Variants in DCDC2 observed in about 807,000 individuals in gnomAD.
DCDC2 encodes the protein doublecortin domain-containing protein 2.
In DCDC2, 40 loss-of-function variants were observed where a neutral mutation model predicts 50.2. The observed-to-expected ratio is 0.80, with a 90% CI of 0.62 to 1.04. The LOEUF is 1.04. Ranked by LOEUF, DCDC2 falls within the 50% of genes least tolerant of loss-of-function variation. The pLI is 0.00. For synonymous variants in DCDC2, 234 were observed against 210.6 expected (o/e 1.11, Z -0.96); for missense variants, 570 against 581.9 (o/e 0.98, Z 0.21).
chr6:24,177,288 G>T (rs1433912335), intron 9 of DCDC2, among the ~76,000 whole-genome samples: 1 of 152,174 alleles, frequency 6.6e-6, no homozygotes, highest in African/African-American at 2.4e-5. Context: ...TAGATGTTAA[G>T]AACATTTTGA....
upstream of DCDC2, among the ~76,000 whole-genome samples, chr6:24,361,605 G>C (rs915826947): frequency 6.6e-6 from 1 of 152,146 alleles, no homozygotes; most frequent in African/African-American, 2.4e-5. Flanking sequence ...CAGAATACTT[G>C]TTATGTGGAA....
At chr6:24,349,774 T>C (rs75359737) in intron 2 of DCDC2, among the ~76,000 whole-genome samples, 4,392 of 152,184 alleles carry the variant, frequency 0.029, 80 homozygotes, top group African/African-American at 0.052. Context: ...AATGAAAATA[T>C]AGCTATGCAA....
chr6:24,354,089 ACACT>A (rs1760423507), intron 1 of DCDC2, among the ~76,000 whole-genome samples: 1 of 152,266 alleles, frequency 6.6e-6, no homozygotes, highest in East Asian at 1.9e-4. Flanking sequence ...TGATACAAAA[ACACT>A]CACTCATGTG....
intron 2 of DCDC2, among the ~76,000 whole-genome samples, chr6:24,311,680 G>A (rs1705537867): frequency 6.6e-6 from 1 of 152,110 alleles, no homozygotes. Context: ...GTATAGATGG[G>A]AAAAGATGAG....
At chr6:24,323,113 G>A (rs1759800882) in intron 2 of DCDC2, among the ~76,000 whole-genome samples, 1 of 152,256 alleles carries the variant, frequency 6.6e-6, no homozygotes, top group African/African-American at 2.4e-5. Context: ...GGGAGGCCGA[G>A]GCAGGAGGAT....
At chr6:24,188,470 TG>T (rs1761249182) in intron 8 of DCDC2, among the ~76,000 whole-genome samples, 1 of 152,210 alleles carries the variant, frequency 6.6e-6, no homozygotes, top group Admixed American at 6.5e-5. Context: ...TACATCACCA[TG>T]CCACTGTTTA....
At position 24,357,950 on chromosome 6, in the gene DCDC2, G is replaced by C; in HGVS notation, c.-200C>G. The C allele has an allele frequency of 6.7e-7, 1 of 1,501,052 alleles. No individual in the cohort carries two copies. Among genetic ancestry groups the C allele is most frequent in the Admixed American group, 2.4e-5 (1 of 41,936 alleles). The allele number at this position is 1,501,052 out of a possible 1,614,324, so 93.0% of individuals were successfully genotyped here. On this transcript the variant is annotated 5_prime_UTR_variant, in exon 1 of 10. Transcript: ENST00000378454. ...AGACACTAGGAGCTTGCAGGACTCG[G>C]AGTAGACGCTCAAGTTTTTCACCGT...
chr6:24,369,002 C>T, the DCDC2 span, among the ~76,000 whole-genome samples: 433 of 151,936 alleles, frequency 2.8e-3, 1 homozygote, highest in African/African-American at 9.6e-3. Flanking sequence ...GGTGCAGTGG[C>T]GCGTGCCTGT....
intron 2 of DCDC2, among the ~76,000 whole-genome samples, chr6:24,349,855 C>A (rs1474978865): frequency 6.6e-6 from 1 of 152,146 alleles, no homozygotes; most frequent in East Asian, 1.9e-4. Flanking sequence ...TTAGTAAAAG[C>A]AGGACCTGGG....
chr6:24,275,813 T>C (rs1046007950), intron 7 of DCDC2, among the ~76,000 whole-genome samples: 1 of 151,834 alleles, frequency 6.6e-6, no homozygotes, highest in Non-Finnish European at 1.5e-5. Flanking sequence ...CCAACACAAA[T>C]GTTGTTAAAA....
intron 7 of DCDC2, among the ~76,000 whole-genome samples, chr6:24,242,624 G>T (rs1329371791): frequency 1.3e-5 from 2 of 152,184 alleles, no homozygotes; most frequent in Non-Finnish European, 2.9e-5. Context: ...GACTGTCACA[G>T]AGCACAGGTA....
intron 7 of DCDC2, among the ~76,000 whole-genome samples, chr6:24,219,148 A>T (rs1351281768): frequency 6.6e-6 from 1 of 152,224 alleles, no homozygotes; most frequent in Non-Finnish European, 1.5e-5. Context: ...AGACACAAGA[A>T]AACGCAGATG....
intron 7 of DCDC2, among the ~76,000 whole-genome samples, chr6:24,252,623 A>G (rs888083770): frequency 3.3e-5 from 5 of 152,214 alleles, no homozygotes; most frequent in Admixed American, 1.3e-4. Context: ...TGAGCAAGAA[A>G]GTAGAAAGAG....
At position 24,178,333 on chromosome 6, in the gene DCDC2, A is replaced by G; in HGVS notation, c.1323T>C (p.Asp441=). 6.2e-7 allele frequency: 1 copy of G among 1,613,024 alleles called. No individual in the cohort carries two copies. Among genetic ancestry groups the G allele is most frequent in the Non-Finnish European group, 8.5e-7 (1 of 1,179,204 alleles). ...CAAGCAAAAGCAATAGAAATACCTC[A>G]TCTTGTCCACTGCCAGCTCCTTGAG... is the stretch of plus-strand genomic sequence containing the variant. ...RKSQGAGSGQ[D]EADVDPQRPP... The change falls in exon 9 of 10, where the codon GAT becomes GAC. Residue 441 remains aspartate, a synonymous_variant. Transcript: ENST00000378454.
At chr6:24,333,408 A>T (rs1760002281) in intron 2 of DCDC2, among the ~76,000 whole-genome samples, 1 of 152,134 alleles carries the variant, frequency 6.6e-6, no homozygotes, top group African/African-American at 2.4e-5. Context: ...ATTGACCAGA[A>T]CTCAAAGTAA....
At chr6:24,311,166 G>A (rs1321963689) in intron 2 of DCDC2, among the ~76,000 whole-genome samples, 1 of 152,122 alleles carries the variant, frequency 6.6e-6, no homozygotes, top group Admixed American at 6.6e-5. Context: ...TCATATTTGA[G>A]CTGACCCCAT....
chr6:24,265,495 A>C (rs1471525068), intron 7 of DCDC2, among the ~76,000 whole-genome samples: 1 of 152,206 alleles, frequency 6.6e-6, no homozygotes, highest in Non-Finnish European at 1.5e-5. Context: ...ATTCTCAAGG[A>C]TAGATCATAT....
At chr6:24,267,264 T>C (rs1002216250) in intron 7 of DCDC2, among the ~76,000 whole-genome samples, 2 of 152,158 alleles carry the variant, frequency 1.3e-5, no homozygotes, top group Non-Finnish European at 1.5e-5. Context: ...TAGTAAACAA[T>C]AATTTATTGT....
At chr6:24,314,119 C>T (rs1581647395) in intron 2 of DCDC2, among the ~76,000 whole-genome samples, 1 of 152,166 alleles carries the variant, frequency 6.6e-6, no homozygotes, top group Non-Finnish European at 1.5e-5. Flanking sequence ...TCCAAAAATA[C>T]TAAAGTGTTA....
Sources: allele counts gnomAD v4.1 joint callset (sites outside exome capture counted in the v4.1 genomes callset), GRCh38; gene constraint gnomAD v4.1.1; transcripts MANE v1.5; gene names NCBI Gene and HGNC (gene_info 2026-07-23, HGNC 2026-07-21).